The following NAV2 variants were observed in gnomAD, a reference collection of about 807,000 sequenced individuals.
NAV2 encodes neuron navigator 2.
Under a neutral mutation model 223.2 loss-of-function variants are expected in NAV2, and 54 were observed. The observed-to-expected ratio is 0.24, with a 90% CI of 0.19 to 0.30. The LOEUF (loss-of-function observed/expected upper bound fraction) is 0.30. Among genes scored for constraint, NAV2 ranks in the 10% least tolerant of loss-of-function variants. The pLI is 1.00. For missense variants in NAV2, 2,806 were observed against 3,147.5 expected (o/e 0.89, Z 2.60); for synonymous variants, 1,279 against 1,239.3 (o/e 1.03, Z -0.67).
intron 1 of NAV2, among the ~76,000 whole-genome samples, chr11:19,786,284 A>T (rs1282475886): frequency 6.6e-6 from 1 of 152,110 alleles, no homozygotes; most frequent in Non-Finnish European, 1.5e-5. Flanking sequence ...ATTTCATGCC[A>T]CCACCTTACT....
At chr11:19,349,680 T>C (rs1227335779), upstream of NAV2, among the ~76,000 whole-genome samples, 3 of 152,098 alleles carry the variant, frequency 2.0e-5, no homozygotes, top group Non-Finnish European at 4.4e-5. Flanking sequence ...GGAGGAGGCA[T>C]TCATAATTAC....
intron 1 of NAV2, among the ~76,000 whole-genome samples, chr11:19,616,941 G>A (rs2046814788): frequency 6.6e-6 from 1 of 151,820 alleles, no homozygotes; most frequent in South Asian, 2.1e-4. Flanking sequence ...ACTAAGACAG[G>A]GAAAATTACT....
At chr11:19,405,602 A>G (rs1849862669) in intron 1 of NAV2, among the ~76,000 whole-genome samples, 1 of 152,232 alleles carries the variant, frequency 6.6e-6, no homozygotes, top group African/African-American at 2.4e-5. Context: ...GCTTGAAAAC[A>G]CCACTCTGTT....
At chr11:20,001,513 G>A (rs2153485972) in intron 11 of NAV2, among the ~76,000 whole-genome samples, 1 of 152,088 alleles carries the variant, frequency 6.6e-6, no homozygotes, top group African/African-American at 2.4e-5. Flanking sequence ...AGAGACCTTG[G>A]CTTTTTCACT....
chr11:19,905,869 C>T (rs1348899876), intron 6 of NAV2, among the ~76,000 whole-genome samples: 2 of 152,126 alleles, frequency 1.3e-5, no homozygotes, highest in Admixed American at 1.3e-4. Context: ...CTGTTACTGC[C>T]TAGGAAATAG....
chr11:19,535,433 C>A (rs1037828475), intron 1 of NAV2, among the ~76,000 whole-genome samples: 13 of 152,130 alleles, frequency 8.5e-5, no homozygotes, highest in African/African-American at 2.7e-4. Flanking sequence ...CAGCTCACAG[C>A]CTTTGCACCT....
chr11:19,974,198 G>T (rs191472336), intron 10 of NAV2, among the ~76,000 whole-genome samples: 1 of 152,294 alleles, frequency 6.6e-6, no homozygotes, highest in East Asian at 1.9e-4. Context: ...CTTCCGCCCA[G>T]GTCTCATGAT....
chr11:19,632,428 G>T (rs896860911), intron 1 of NAV2, among the ~76,000 whole-genome samples: 1 of 152,192 alleles, frequency 6.6e-6, no homozygotes, highest in African/African-American at 2.4e-5. Flanking sequence ...TTTGCAAACT[G>T]AAAGTGTTGT....
intron 6 of NAV2, among the ~76,000 whole-genome samples, chr11:19,912,822 GT>G (rs1481560610): frequency 2.0e-5 from 3 of 152,178 alleles, no homozygotes; most frequent in Non-Finnish European, 4.4e-5. Context: ...CTGTACTGCA[GT>G]TCAGAGAGAA....
In NAV2 at chr11:20,008,728, C is replaced by T. The variant is rs1452185193; in HGVS notation, c.2768+24481C>T. 3.8e-5 allele frequency among the ~76,000 whole-genome samples: 4 copies of T among 105,016 alleles called. No individual in the cohort carries two copies. In the East Asian group the frequency reaches 1.0e-3, roughly 27 times the overall value. 68.9% of individuals were successfully genotyped at this position (105,016 alleles called of 152,430 possible). ...CACTTGGCAGTTAAAAATTGAAGTT[C>T]CTCAGACCTTTTTTTTTTTTCCGCC... On this transcript the variant is annotated intron_variant, in intron 11 of 37. Transcript: ENST00000349880.
Position 20,019,635 on chromosome 11 carries a change from G to A in NAV2, c.2769-16324G>A, listed in dbSNP as rs1363641436. On this transcript the variant is annotated intron_variant, in intron 11 of 37. Transcript: ENST00000349880. ...TAGTTAGAGAAGAGGAGGGGTCCAG[G>A]GATGGAGGCCCTGGAGTTCTGGAGA... 3.9e-5 allele frequency among the ~76,000 whole-genome samples: 6 copies of A among 152,016 alleles called. No homozygotes were observed. In the South Asian group the frequency reaches 1.0e-3, roughly 26 times the overall value.
At chr11:19,633,073 G>A (rs1352085040) in intron 1 of NAV2, among the ~76,000 whole-genome samples, 1 of 151,964 alleles carries the variant, frequency 6.6e-6, no homozygotes, top group East Asian at 1.9e-4. Flanking sequence ...CTGGGGGTGG[G>A]AGCTGGGTCT....
At chr11:19,483,370 T>G (rs2042339631) in intron 1 of NAV2, among the ~76,000 whole-genome samples, 1 of 152,254 alleles carries the variant, frequency 6.6e-6, no homozygotes, top group Non-Finnish European at 1.5e-5. Flanking sequence ...ACTTGGTAGC[T>G]ATCTTAGTTA....
In NAV2 at chr11:20,103,247, C is replaced by T. The variant is rs2061767578; in HGVS notation, c.6418-8C>T. On this transcript the variant is annotated splice_region_variant and splice_polypyrimidine_tract_variant and intron_variant, in intron 32 of 37. Transcript: ENST00000349880. ...CTTGTTCTCCTTCGGCCTTCCTGGC[C>T]ACCATAGGAATTGCGCCAGTACCTG... is the stretch of plus-strand genomic sequence containing the variant. 3 of 1,608,610 alleles carry T rather than the reference C, an allele frequency of 1.9e-6. No individual in the cohort carries two copies. The highest frequency in any genetic ancestry group is 4.5e-5 in the East Asian group (2 of 44,802).
chr11:19,911,024 C>A (rs540075847), intron 6 of NAV2, among the ~76,000 whole-genome samples: 1 of 148,764 alleles, frequency 6.7e-6, no homozygotes, highest in South Asian at 2.1e-4. Context: ...CATCATTTTG[C>A]AAGCACATTT....
chr11:19,542,892 G>A (rs952581308), intron 1 of NAV2, among the ~76,000 whole-genome samples: 1 of 152,172 alleles, frequency 6.6e-6, no homozygotes, highest in South Asian at 2.1e-4. Context: ...TCCCCTTCCT[G>A]GGTACCTCTC....
chr11:19,474,877 G>A (rs2133956890), intron 1 of NAV2, among the ~76,000 whole-genome samples: 1 of 152,316 alleles, frequency 6.6e-6, no homozygotes, highest in Non-Finnish European at 1.5e-5. Flanking sequence ...CCCCATCTGT[G>A]AAGTGGCAGT....
intron 1 of NAV2, among the ~76,000 whole-genome samples, chr11:19,806,670 G>A (rs1316411518): frequency 6.6e-6 from 1 of 152,210 alleles, no homozygotes; most frequent in Non-Finnish European, 1.5e-5. Context: ...AGGGGATGGA[G>A]AATTTCTTTT....
At chr11:19,677,430 G>T (rs565291701) in intron 1 of NAV2, among the ~76,000 whole-genome samples, 1 of 152,232 alleles carries the variant, frequency 6.6e-6, no homozygotes, top group East Asian at 1.9e-4. Context: ...TGTCCTACTC[G>T]GCTTGTGATC....
Sources: allele counts gnomAD v4.1 joint callset (sites outside exome capture counted in the v4.1 genomes callset), GRCh38; gene constraint gnomAD v4.1.1; transcripts MANE v1.5; gene names NCBI Gene and HGNC (gene_info 2026-07-23, HGNC 2026-07-21).